AGMO: variants seen among roughly 807,000 people sequenced by gnomAD.
AGMO encodes the protein alkylglycerol monooxygenase.
In AGMO, 75 loss-of-function variants were observed where a neutral mutation model predicts 60.2. That is an observed-to-expected ratio of 1.25 (90% CI 1.03 to 1.51). The LOEUF (loss-of-function observed/expected upper bound fraction) is 1.51, where lower values mean the gene tolerates loss of function less well. Ranked by LOEUF, AGMO falls within the 40% of genes most tolerant of loss-of-function variation. The pLI is 0.00. For missense variants in AGMO, 763 were observed against 525.5 expected (o/e 1.45, Z -4.42); for synonymous variants, 261 against 177.1 (o/e 1.47, Z -3.76).
chr7:15,320,100 C>G (rs932345289), intron 12 of AGMO, among the ~76,000 whole-genome samples: 1 of 118,776 alleles, frequency 8.4e-6, no homozygotes, highest in Non-Finnish European at 1.7e-5. Context: ...ACATCACACA[C>G]TTGGGCCTGT....
chr7:15,339,204 T>C (rs1781755895), intron 12 of AGMO, among the ~76,000 whole-genome samples: 1 of 151,872 alleles, frequency 6.6e-6, no homozygotes, highest in Non-Finnish European at 1.5e-5. Flanking sequence ...TGAGTACTAG[T>C]TGATCAATTC....
intron 12 of AGMO, among the ~76,000 whole-genome samples, chr7:15,357,810 C>G (rs778291111): frequency 6.6e-6 from 1 of 152,130 alleles, no homozygotes; most frequent in East Asian, 1.9e-4. Flanking sequence ...CCCAGGTGAA[C>G]GCAGCAGAGA....
At chr7:15,341,513 G>C (rs117531823) in intron 12 of AGMO, among the ~76,000 whole-genome samples, 5,438 of 152,178 alleles carry the variant, frequency 0.036, 106 homozygotes, top group Admixed American at 0.053. Flanking sequence ...CATTCAACAA[G>C]TCTCTAGGAA....
the AGMO span, among the ~76,000 whole-genome samples, chr7:15,192,230 G>T: frequency 6.6e-6 from 1 of 151,722 alleles, no homozygotes; most frequent in Non-Finnish European, 1.5e-5. Context: ...TGCCCAAAAT[G>T]TTGCTTTATC....
intron 9 of AGMO, 85 bp downstream of exon 9, chr7:15,387,321 T>G (rs963393319): frequency 4.1e-6 from 6 of 1,453,270 alleles, no homozygotes; most frequent in Admixed American, 2.1e-5. Flanking sequence ...CAGATTTGCA[T>G]GAAAACAGCG....
rs148617669 is a variant in AGMO at position 15,339,490 on chromosome 7, T to G, written c.1263+26024A>C. Reference sequence around the variant, plus strand: ...AATCCAAACATAATTTTAGAGGATGTTCAGCTGGAATTATGTCAGAAGAGT... The same window carrying G: ...AATCCAAACATAATTTTAGAGGATGGTCAGCTGGAATTATGTCAGAAGAGT... On this transcript the variant is annotated intron_variant, in intron 12 of 12. Coordinates refer to ENST00000342526, the MANE Select transcript of AGMO (RefSeq NM_001004320.2). 6.0e-4 allele frequency among the ~76,000 whole-genome samples: 91 copies of G among 152,312 alleles called. 1 individual carries two copies. In the East Asian group the frequency reaches 0.016, roughly 27 times the overall value.
chr7:15,331,127 C>T (rs1781488090), intron 12 of AGMO, among the ~76,000 whole-genome samples: 1 of 152,106 alleles, frequency 6.6e-6, no homozygotes, highest in African/African-American at 2.4e-5. Context: ...CCATTAATAG[C>T]CAGTATCTTT....
chr7:15,508,978 A>G (rs1396728072), intron 3 of AGMO, among the ~76,000 whole-genome samples: 3 of 152,206 alleles, frequency 2.0e-5, no homozygotes, highest in East Asian at 1.9e-4. Context: ...CTAAAAATTG[A>G]CAAACCAACT....
At chr7:15,154,715 G>C in the AGMO span, among the ~76,000 whole-genome samples, 1 of 152,084 alleles carries the variant, frequency 6.6e-6, no homozygotes, top group Non-Finnish European at 1.5e-5. Flanking sequence ...TATGTACTAG[G>C]CCACTGGAGC....
At position 15,395,200 on chromosome 7, in the gene AGMO, G is replaced by T. The variant is rs529309998; in HGVS notation, c.610-1021C>A. Among the ~76,000 whole-genome samples the T allele has an allele frequency of 2.0e-5, 3 of 152,224 alleles. No individual in the cohort carries two copies. In the East Asian group the frequency reaches 5.8e-4, roughly 29 times the overall value. ...TTTTAAGACATGACTCACTTTTAGG[G>T]TTAGCTTCCGTTTGGAGGACATATG... On this transcript the variant is annotated intron_variant, in intron 5 of 12. Transcript: ENST00000342526.
At chr7:15,277,929 G>C (rs1258554004) in intron 12 of AGMO, among the ~76,000 whole-genome samples, 3 of 152,182 alleles carry the variant, frequency 2.0e-5, no homozygotes. Flanking sequence ...GGTGTCTGGA[G>C]AAGCTCCTAG....
chr7:15,138,920 T>G, the AGMO span, among the ~76,000 whole-genome samples: 2 of 152,190 alleles, frequency 1.3e-5, no homozygotes, highest in Non-Finnish European at 2.9e-5. Context: ...ATTATGTGTA[T>G]TTATATACAT....
intron 12 of AGMO, among the ~76,000 whole-genome samples, chr7:15,239,850 C>G (rs1303959744): frequency 3.9e-5 from 6 of 152,060 alleles, no homozygotes; most frequent in Admixed American, 2.6e-4. Context: ...TGAGCCTCAC[C>G]GGTTTTCAGC....
At chr7:15,317,423 T>C (rs1780959034) in intron 12 of AGMO, among the ~76,000 whole-genome samples, 1 of 152,036 alleles carries the variant, frequency 6.6e-6, no homozygotes, top group African/African-American at 2.4e-5. Flanking sequence ...CTAGAATAAA[T>C]CATGATAGAG....
intron 10 of AGMO, among the ~76,000 whole-genome samples, chr7:15,367,926 T>TACAC (rs983444143): frequency 6.6e-6 from 1 of 152,116 alleles, no homozygotes; most frequent in Non-Finnish European, 1.5e-5. Flanking sequence ...TCCAAAGTTA[T>TACAC]ACACAGTAAA....
chr7:15,418,465 T>C, intron 5 of AGMO, 93 bp downstream of exon 5: 1 of 761,584 alleles, frequency 1.3e-6, no homozygotes, highest in East Asian at 2.8e-5. Flanking sequence ...ACAAAGATTT[T>C]TCTTACACAA....
chr7:15,243,994 C>T (rs1396648961), intron 12 of AGMO, among the ~76,000 whole-genome samples: 1 of 152,126 alleles, frequency 6.6e-6, no homozygotes, highest in Non-Finnish European at 1.5e-5. Flanking sequence ...AACCTGTCAT[C>T]CTTGAAACAT....
intron 10 of AGMO, among the ~76,000 whole-genome samples, chr7:15,378,005 T>C (rs73302329): frequency 0.034 from 5,120 of 152,124 alleles, 310 homozygotes; most frequent in African/African-American, 0.12. Flanking sequence ...ACTATGCAAT[T>C]TGTTTCATCA....
intron 12 of AGMO, among the ~76,000 whole-genome samples, chr7:15,207,335 T>G (rs1308588037): frequency 6.6e-6 from 1 of 152,250 alleles, no homozygotes; most frequent in African/African-American, 2.4e-5. Context: ...ATCTTTGATT[T>G]GGAAGTTATG....
Sources: allele counts gnomAD v4.1 joint callset (sites outside exome capture counted in the v4.1 genomes callset), GRCh38; gene constraint gnomAD v4.1.1; transcripts MANE v1.5; gene names NCBI Gene and HGNC (gene_info 2026-07-23, HGNC 2026-07-21).